The following PSG9 variants were observed in gnomAD, a reference collection of about 807,000 sequenced individuals.
PSG9 encodes pregnancy specific beta-1-glycoprotein 9, also known as pregnancy-specific beta-1-glycoprotein 9.
Under a neutral mutation model 41.9 loss-of-function variants are expected in PSG9, and 49 were observed. The observed-to-expected ratio is 1.17, with a 90% CI of 0.93 to 1.48. The LOEUF is 1.48. Among genes scored for constraint, PSG9 ranks in the 40% most tolerant of loss-of-function variants. The pLI, the probability that PSG9 is intolerant of heterozygous loss-of-function variation, is 0.00. For missense variants in PSG9, 641 were observed against 520.3 expected (o/e 1.23, Z -2.26); for synonymous variants, 263 against 196.8 (o/e 1.34, Z -2.82).
chr19:43,258,764 A>G lies in PSG9; in HGVS notation c.988+93T>C, dbSNP rs144380735. 39 of 1,526,328 alleles carry G rather than the reference A, an allele frequency of 2.6e-5. 6 individuals are homozygous for G. The African/African-American group carries it at 3.7e-4, about 14-fold the overall frequency. 94.5% of individuals were successfully genotyped at this position (1,526,328 alleles called of 1,614,324 possible). On this transcript the variant is annotated intron_variant, in intron 4 of 5. Coordinates refer to ENST00000270077, the MANE Select transcript of PSG9 (RefSeq NM_002784.5). ...CGGATGTCTAGAAGTAAAGGTGTCTATACTTGGACCGGAGAGAGACTGAGA... is the reference window on the plus strand; with the variant it reads ...CGGATGTCTAGAAGTAAAGGTGTCTGTACTTGGACCGGAGAGAGACTGAGA...
chr19:43,263,725 C>T (rs1158691512), intron 2 of PSG9, among the ~76,000 whole-genome samples: 9 of 151,970 alleles, frequency 5.9e-5, no homozygotes, highest in Admixed American at 2.0e-4. Context: ...TTAGGTGTGC[C>T]GTGAATTCCA....
chr19:43,254,696 A>T (rs1006807627), intron 5 of PSG9, among the ~76,000 whole-genome samples: 3 of 146,246 alleles, frequency 2.1e-5, no homozygotes, highest in African/African-American at 7.8e-5. Flanking sequence ...AATTAATGAA[A>T]CCAAAAGTTG....
chr19:43,253,942 G>A (rs1023063353), intron 5 of PSG9, among the ~76,000 whole-genome samples: 2 of 145,728 alleles, frequency 1.4e-5, no homozygotes, highest in Admixed American at 6.8e-5. Context: ...TCCCTCACAG[G>A]TGTCTTCCCT....
chr19:43,261,464 G>A (rs1341933246), intron 3 of PSG9, among the ~76,000 whole-genome samples: 2 of 152,134 alleles, frequency 1.3e-5, no homozygotes, highest in African/African-American at 2.4e-5. Context: ...AGGCCATGTG[G>A]AGCAAAGAGA....
rs1568421939 is a variant in PSG9 at position 43,268,090 on chromosome 19, G to A, written c.124C>T (p.Pro42Ser). 1.9e-6 allele frequency: 3 copies of A among 1,613,480 alleles called. No homozygotes were observed. Among genetic ancestry groups the A allele is most frequent in the Non-Finnish European group, 2.5e-6 (3 of 1,179,674 alleles). The change falls in exon 2 of 6, where the codon CCA becomes TCA. Residue 42 changes from proline to serine, a missense_variant. Coordinates refer to ENST00000270077, the MANE Select transcript of PSG9 (RefSeq NM_002784.5). ...TTAEVTIEAQ[P>S]PKVSEGKDVL... ...TCCTTCCCCTCAGAAACTTTGGGTG[G>A]CTGGGCTTCAATCGTGACTTCGGCA...
At chr19:43,262,838 G>A (rs1968791149) in intron 2 of PSG9, among the ~76,000 whole-genome samples, 2 of 152,168 alleles carry the variant, frequency 1.3e-5, no homozygotes, top group African/African-American at 4.8e-5. Flanking sequence ...CCAGGCAGTA[G>A]CTGATAGCTT....
chr19:43,268,216 G>T (rs1969074933), intron 1 of PSG9, 67 bp from the exon 2 acceptor site: 8 of 1,504,064 alleles, frequency 5.3e-6, no homozygotes, highest in South Asian at 5.3e-5. Flanking sequence ...ATGGGGCCCT[G>T]GGTCCTGAGA....
intron 1 of PSG9, among the ~76,000 whole-genome samples, chr19:43,268,813 A>T (rs1196937198): frequency 1.3e-5 from 2 of 151,942 alleles, no homozygotes; most frequent in South Asian, 2.1e-4. Flanking sequence ...TTTTTATTTG[A>T]AGTGTCATCT....
At chr19:43,266,741 G>A (rs1968987362) in intron 2 of PSG9, among the ~76,000 whole-genome samples, 2 of 152,074 alleles carry the variant, frequency 1.3e-5, no homozygotes, top group Admixed American at 1.3e-4. Flanking sequence ...GGGGTCCTTG[G>A]AACCCAGTAA....
intron 5 of PSG9, among the ~76,000 whole-genome samples, chr19:43,254,951 C>A (rs1968391845): frequency 7.0e-6 from 1 of 143,584 alleles, no homozygotes; most frequent in Non-Finnish European, 1.5e-5. Flanking sequence ...ATTAGCTGGG[C>A]ATGGTGACAT....
chr19:43,261,823 T>A lies in PSG9; in HGVS notation c.709+37A>T, dbSNP rs762015601. The A allele has an allele frequency of 4.3e-6, 7 of 1,614,024 alleles. No homozygotes were observed. The Admixed American group carries it at 8.3e-5, about 19-fold the overall frequency. On this transcript the variant is annotated intron_variant, in intron 3 of 5. Coordinates refer to ENST00000270077, the MANE Select transcript of PSG9 (RefSeq NM_002784.5). ...GGCCTCTGGCCATGTGTATTTGGGATGGCAGCCTGGCTCACAGAGGAACAG... is the reference window on the plus strand; with the variant it reads ...GGCCTCTGGCCATGTGTATTTGGGAAGGCAGCCTGGCTCACAGAGGAACAG...
chr19:43,263,595 A>C (rs1156922885), intron 2 of PSG9, among the ~76,000 whole-genome samples: 1 of 151,998 alleles, frequency 6.6e-6, no homozygotes, highest in South Asian at 2.1e-4. Context: ...TAGTAACAAA[A>C]AAAAAAAAAA....
In PSG9 at chr19:43,268,158, G is replaced by T. The variant is rs767222772; in HGVS notation, c.65-9C>A. 31 of 1,589,492 alleles carry T rather than the reference G, an allele frequency of 2.0e-5. No homozygotes were observed. In the South Asian group the frequency reaches 2.8e-4, roughly 14 times the overall value. On this transcript the variant is annotated splice_polypyrimidine_tract_variant and intron_variant, in intron 1 of 5. Transcript: ENST00000270077. ...GAAGTTTAAAAGTGATGCTAGGAGG[G>T]GGAGACAGCATCAGTTAATATTGAG...
In PSG9 at chr19:43,258,908, G is replaced by A. The variant is rs139112151; in HGVS notation, c.937C>T (p.Arg313Trp). 61 of 1,588,688 alleles carry A rather than the reference G, an allele frequency of 3.8e-5. 8 individuals are homozygous for A. In the Middle Eastern group the frequency reaches 6.7e-4, roughly 17 times the overall value. Residue 313 changes from arginine (R) to tryptophan (W), a missense_variant, in exon 4 of 6, where the codon CGG (arginine) becomes TGG (tryptophan). Arg to Trp is a moderately radical substitution (Grantham distance 101). Transcript: ENST00000270077. ...CTGCGGAGGCCACCATATCGGTCCC[G>A]TATTTCACATTGATAGGGTCCTGTT... ...NETGPYQCEI[R>W]DRYGGLRSNP... is the part of the protein sequence containing the mutation.
chr19:43,265,170 A>C (rs572621385), intron 2 of PSG9, among the ~76,000 whole-genome samples: 3 of 152,262 alleles, frequency 2.0e-5, no homozygotes, highest in African/African-American at 7.2e-5. Flanking sequence ...CCATAAAACT[A>C]ACACCCTTAC....
At chr19:43,254,904 C>G (rs1248908804) in intron 5 of PSG9, among the ~76,000 whole-genome samples, 1 of 139,100 alleles carries the variant, frequency 7.2e-6, no homozygotes, top group Non-Finnish European at 1.5e-5. Flanking sequence ...CATAGGTAAC[C>G]TGGGGAGATG....
chr19:43,258,895 C>T lies in PSG9; in HGVS notation c.950G>A (p.Gly317Asp), dbSNP rs1301006038. The T allele has an allele frequency of 6.3e-7, 1 of 1,587,952 alleles. No individual in the cohort carries two copies. Among genetic ancestry groups the T allele is most frequent in the African/African-American group, 1.4e-5 (1 of 69,992 alleles). The change falls in exon 4 of 6, where the codon GGT becomes GAT. Residue 317 changes from glycine to aspartate, a missense_variant. Transcript: ENST00000270077. Reference protein sequence around the residue: ...PYQCEIRDRYGGLRSNPVILN... With the variant: ...PYQCEIRDRYDGLRSNPVILN... ...GATGACTGGGTTACTGCGGAGGCCA[C>T]CATATCGGTCCCGTATTTCACATTG... is the stretch of plus-strand genomic sequence containing the variant.
chr19:43,263,564 C>A (rs571805815), intron 2 of PSG9, among the ~76,000 whole-genome samples: 2 of 150,930 alleles, frequency 1.3e-5, no homozygotes, highest in South Asian at 4.2e-4. Context: ...GGAGTTTAGA[C>A]CTCATGTTGT....
At chr19:43,266,158 A>C (rs796996914) in intron 2 of PSG9, among the ~76,000 whole-genome samples, 151 of 151,692 alleles carry the variant, frequency 1.0e-3, no homozygotes, top group African/African-American at 3.6e-3. Context: ...GACTTCAGAG[A>C]CCCCAGGGCC....
Sources: gnomAD v4.1 joint callset for allele counts (sites outside exome capture counted in the v4.1 genomes callset) on GRCh38, gnomAD v4.1.1 for gene constraint, MANE v1.5 for transcripts, NCBI Gene and HGNC (gene_info 2026-07-23, HGNC 2026-07-21) for gene names.